The following TPRG1 variants were observed in gnomAD, a reference collection of about 807,000 sequenced individuals.
TPRG1 encodes tumor protein p63-regulated gene 1 protein.
TPRG1 carries 29 observed loss-of-function variants against 29.3 expected under a neutral mutation model. That is an observed-to-expected ratio of 0.99 (90% CI 0.74 to 1.35). The LOEUF (loss-of-function observed/expected upper bound fraction) is 1.35, where lower values mean the gene tolerates loss of function less well. TPRG1 is among the 40% of genes most tolerant of loss of function. TPRG1 has a pLI of 0.00. For synonymous variants in TPRG1, 130 were observed against 116.8 expected, an observed-to-expected ratio of 1.11 and a Z score of -0.73; for missense variants, 327 against 335.0, an observed-to-expected ratio of 0.98 and a Z score of 0.19.
intron 4 of TPRG1, among the ~76,000 whole-genome samples, chr3:189,089,530 AG>A (rs1375824569): frequency 6.6e-6 from 1 of 152,158 alleles, no homozygotes; most frequent in African/African-American, 2.4e-5. Flanking sequence ...TATTTCTTAC[AG>A]CTATGGAGGC....
At chr3:189,105,979 G>A (rs1423371998) in intron 1 of TPRG1, among the ~76,000 whole-genome samples, 1 of 152,002 alleles carries the variant, frequency 6.6e-6, no homozygotes, top group Non-Finnish European at 1.5e-5. Context: ...GACAGGTGCA[G>A]CAAACCACCA....
rs777163238 is a variant in TPRG1, at chr3:189,321,056, C to G, written c.*236C>G. ...AAACTAGAAAATAAATGCTGCTGAG[C>G]CTATCAAATACTGTTATCAAATGAG... On this transcript the variant is annotated 3_prime_UTR_variant, in exon 6 of 6. Transcript: ENST00000345063. 1.4e-4 allele frequency: 50 copies of G among 366,970 alleles called. No homozygotes were observed. In the Middle Eastern group the frequency reaches 2.1e-3, roughly 16 times the overall value. The allele number at this position is 366,970 out of a possible 1,614,324, so 22.7% of individuals were successfully genotyped here.
chr3:189,055,940 C>T (rs1243135997), intron 4 of TPRG1, among the ~76,000 whole-genome samples: 2 of 151,900 alleles, frequency 1.3e-5, no homozygotes, highest in Non-Finnish European at 2.9e-5. Flanking sequence ...TGCAGTGGCC[C>T]TCTCTTCCCT....
intron 4 of TPRG1, among the ~76,000 whole-genome samples, chr3:189,285,286 TG>T (rs552823144): frequency 1.6e-3 from 237 of 152,304 alleles, no homozygotes; most frequent in African/African-American, 5.1e-3. Context: ...TTTGGGAAAG[TG>T]CTTGATGGCC....
At chr3:189,009,251 G>A (rs1392915322) in intron 3 of TPRG1, among the ~76,000 whole-genome samples, 2 of 152,064 alleles carry the variant, frequency 1.3e-5, no homozygotes, top group Non-Finnish European at 2.9e-5. Context: ...CAAAATCCAA[G>A]TATGTTCATT....
At chr3:189,295,551 A>G (rs1190255365) in intron 4 of TPRG1, among the ~76,000 whole-genome samples, 1 of 145,424 alleles carries the variant, frequency 6.9e-6, no homozygotes, top group Non-Finnish European at 1.5e-5. Context: ...CCCTTAAATT[A>G]TTATGAAGGA....
At chr3:189,200,010 A>G (rs950586694) in intron 1 of TPRG1, among the ~76,000 whole-genome samples, 2 of 152,234 alleles carry the variant, frequency 1.3e-5, no homozygotes, top group African/African-American at 4.8e-5. Context: ...GGGAAGCAAG[A>G]AAGTGACCTA....
intron 1 of TPRG1, among the ~76,000 whole-genome samples, chr3:189,182,812 A>G (rs1283629377): frequency 6.6e-6 from 1 of 152,182 alleles, no homozygotes; most frequent in Non-Finnish European, 1.5e-5. Context: ...TTGAGGTATA[A>G]TTGACAAATA....
chr3:189,248,007 T>C (rs1741608599), intron 4 of TPRG1, among the ~76,000 whole-genome samples: 1 of 151,868 alleles, frequency 6.6e-6, no homozygotes, highest in South Asian at 2.1e-4. Context: ...TTAGTTTCAA[T>C]GTTAGATAAT....
chr3:189,209,317 C>T (rs571049028), intron 2 of TPRG1, among the ~76,000 whole-genome samples: 9 of 152,288 alleles, frequency 5.9e-5, no homozygotes, highest in South Asian at 4.1e-4. Context: ...ACAGGGAAAA[C>T]GACTTATGTT....
At chr3:189,139,523 G>A (rs1724241983) in intron 3 of TPRG1, among the ~76,000 whole-genome samples, 1 of 152,158 alleles carries the variant, frequency 6.6e-6, no homozygotes, top group African/African-American at 2.4e-5. Flanking sequence ...TGTATTATCA[G>A]ACAATTACCA....
chr3:189,271,553 C>G (rs1715134530), intron 4 of TPRG1, among the ~76,000 whole-genome samples: 1 of 152,162 alleles, frequency 6.6e-6, no homozygotes, highest in Non-Finnish European at 1.5e-5. Context: ...AGAAAGTAAT[C>G]TAGATATTTT....
chr3:189,231,367 A>C (rs1227883052), intron 3 of TPRG1, among the ~76,000 whole-genome samples: 1 of 151,756 alleles, frequency 6.6e-6, no homozygotes, highest in African/African-American at 2.4e-5. Context: ...TGTATATCCG[A>C]AAACTATTAT....
intron 3 of TPRG1, among the ~76,000 whole-genome samples, chr3:189,005,541 T>G (rs1712244983): frequency 6.6e-6 from 1 of 152,132 alleles, no homozygotes. Context: ...TTAGGAAATT[T>G]TGCTGACAGC....
chr3:189,236,617 G>A (rs1166942454), intron 3 of TPRG1, among the ~76,000 whole-genome samples: 4 of 152,142 alleles, frequency 2.6e-5, no homozygotes, highest in African/African-American at 4.8e-5. Flanking sequence ...ACCACTAACT[G>A]TACTATGGTA....
rs775316154 is a variant in TPRG1 at position 189,310,447 on chromosome 3, C to T, written c.541C>T (p.Arg181Cys). The T allele has an allele frequency of 9.3e-6, 15 of 1,612,322 alleles. No homozygotes were observed. The highest frequency in any genetic ancestry group is 6.6e-5 in the South Asian group (6 of 90,928). Residue 181 changes from arginine to cysteine, a missense_variant, in exon 5 of 6, where the codon CGC becomes TGC. Transcript: ENST00000345063. ...TCCGGAGGAGCAGTCTCTTCTGTCC[C>T]GCTGGAACCCATGGTCCACTGAAGT... ...GSPEEQSLLS[R>C]WNPWSTEVPY... is the part of the protein sequence containing the mutation.
chr3:189,272,687 C>A (rs944278790), intron 4 of TPRG1, among the ~76,000 whole-genome samples: 4 of 147,110 alleles, frequency 2.7e-5, no homozygotes, highest in African/African-American at 5.2e-5. Context: ...TCTTTCCTTT[C>A]TTTCTTTCTC....
chr3:189,015,742 C>A (rs1357627522), intron 3 of TPRG1, among the ~76,000 whole-genome samples: 1 of 152,156 alleles, frequency 6.6e-6, no homozygotes, highest in South Asian at 2.1e-4. Flanking sequence ...AGGGTGCAAG[C>A]CCCCCAGACC....
At chr3:189,105,431 C>A (rs1391263241) in intron 1 of TPRG1, among the ~76,000 whole-genome samples, 1 of 152,178 alleles carries the variant, frequency 6.6e-6, no homozygotes, top group Non-Finnish European at 1.5e-5. Flanking sequence ...ACATCTCCCA[C>A]TATTAGCTCT....
Sources: allele counts gnomAD v4.1 joint callset (sites outside exome capture counted in the v4.1 genomes callset), GRCh38; gene constraint gnomAD v4.1.1; transcripts MANE v1.5; gene names NCBI Gene and HGNC (gene_info 2026-07-23, HGNC 2026-07-21).